Variants in TBL1XR1 observed in about 807,000 individuals in gnomAD.
TBL1XR1 encodes the protein TBL1X/Y related 1.
A neutral mutation model predicts 66.9 loss-of-function variants in TBL1XR1; 5 were observed. The ratio of observed to expected loss-of-function variants is 0.07; its 90% CI spans 0.04 to 0.16. TBL1XR1 has a LOEUF of 0.16. TBL1XR1 is among the 10% of genes least tolerant of loss of function. The pLI is 1.00. For missense variants in TBL1XR1, 238 were observed against 623.2 expected (o/e 0.38, Z 6.58); for synonymous variants, 210 against 206.0 (o/e 1.02, Z -0.17).
At chr3:177,131,133 A>G (rs748436908) in intron 1 of TBL1XR1, among the ~76,000 whole-genome samples, 2 of 152,080 alleles carry the variant, frequency 1.3e-5, no homozygotes, top group Non-Finnish European at 2.9e-5. Context: ...ATGGCAACAG[A>G]AACTAGGTTT....
chr3:177,138,053 T>C (rs796778791), intron 1 of TBL1XR1, among the ~76,000 whole-genome samples: 13 of 152,200 alleles, frequency 8.5e-5, no homozygotes, highest in African/African-American at 2.9e-4. Flanking sequence ...TTTGATCAGG[T>C]TGAAAGTAAA....
intron 1 of TBL1XR1, among the ~76,000 whole-genome samples, chr3:177,116,643 T>TAATA (rs1192475341): frequency 6.6e-6 from 1 of 152,188 alleles, no homozygotes; most frequent in Non-Finnish European, 1.5e-5. Context: ...AGAACTACAA[T>TAATA]AATACTGTTA....
In TBL1XR1 at chr3:177,069,582, C is replaced by T. The variant is rs200574686; in HGVS notation, c.-45-4560G>A. Among the ~76,000 whole-genome samples the T allele has an allele frequency of 6.6e-5, 10 of 151,660 alleles. No individual in the cohort carries two copies. In the East Asian group the frequency reaches 1.4e-3, roughly 21 times the overall value. ...AACCCCATCTCTACAAAAAAAAATA[C>T]AAAAAAATTACCCAGGCATGGTGGC... On this transcript the variant is annotated intron_variant, in intron 2 of 15. Coordinates refer to ENST00000457928, the MANE Select transcript of TBL1XR1 (RefSeq NM_024665.7).
Position 177,080,838 on chromosome 3 carries a change from T to A in TBL1XR1, c.-45-15816A>T, listed in dbSNP as rs79998853. ...GTCTGACAAACTTAACAACTAGCTT[T>A]AAGTTCAAAGATCAGCTGATGTTCT... On this transcript the variant is annotated intron_variant, in intron 2 of 15. Transcript: ENST00000457928. Among the ~76,000 whole-genome samples, 894 of 152,338 alleles carry A rather than the reference T, an allele frequency of 5.9e-3. 11 individuals are homozygous for A. The highest frequency in any genetic ancestry group is 0.021 in the African/African-American group (855 of 41,570).
chr3:177,131,115 C>A (rs530429583), intron 1 of TBL1XR1, among the ~76,000 whole-genome samples: 3 of 152,094 alleles, frequency 2.0e-5, no homozygotes, highest in African/African-American at 7.2e-5. Context: ...GAATCCATGT[C>A]AAGCACAATG....
chr3:177,050,706 C>G, intron 5 of TBL1XR1, 96 bp from the exon 6 acceptor site: 1 of 1,361,952 alleles, frequency 7.3e-7, no homozygotes, highest in East Asian at 2.3e-5. Flanking sequence ...TCCTTTATCG[C>G]ACACAGTGTA....
chr3:177,164,459 C>T (rs977462080), intron 1 of TBL1XR1, among the ~76,000 whole-genome samples: 5 of 151,696 alleles, frequency 3.3e-5, no homozygotes, highest in Admixed American at 1.3e-4. Context: ...AAGCGATTCT[C>T]CTGCCTTAGC....
intron 15 of TBL1XR1, 54 bp downstream of exon 15, chr3:177,026,319 T>C (rs1713118185): frequency 7.3e-7 from 1 of 1,364,960 alleles, no homozygotes; most frequent in South Asian, 1.2e-5. Flanking sequence ...ATAAGCTGCA[T>C]TCTGATGTGA....
chr3:177,186,644 ATGT>A (rs1030653266), intron 1 of TBL1XR1, among the ~76,000 whole-genome samples: 2 of 152,146 alleles, frequency 1.3e-5, no homozygotes, highest in African/African-American at 2.4e-5. Context: ...CCACTAAAAT[ATGT>A]TATTACTATA....
intron 1 of TBL1XR1, among the ~76,000 whole-genome samples, chr3:177,170,106 A>G (rs547617819): frequency 6.6e-6 from 1 of 152,206 alleles, no homozygotes; most frequent in Admixed American, 6.5e-5. Context: ...TCTCACCTCT[A>G]TCATGACAAT....
intron 1 of TBL1XR1, among the ~76,000 whole-genome samples, chr3:177,112,256 T>A (rs1725745536): frequency 6.6e-6 from 1 of 150,834 alleles, no homozygotes; most frequent in African/African-American, 2.4e-5. Flanking sequence ...TACAGGCGTC[T>A]GCCACTACGC....
At chr3:177,043,969 T>C (rs1479762549) in intron 10 of TBL1XR1, among the ~76,000 whole-genome samples, 1 of 152,170 alleles carries the variant, frequency 6.6e-6, no homozygotes, top group African/African-American at 2.4e-5. Flanking sequence ...CCCTACCTTT[T>C]TACCTAAGAT....
At chr3:177,153,194 C>G (rs190071616) in intron 1 of TBL1XR1, among the ~76,000 whole-genome samples, 2 of 152,172 alleles carry the variant, frequency 1.3e-5, no homozygotes, top group African/African-American at 4.8e-5. Flanking sequence ...TAATTCTATA[C>G]TCAGTGAATA....
At chr3:177,158,580 T>C (rs372082862) in intron 1 of TBL1XR1, among the ~76,000 whole-genome samples, 1 of 152,152 alleles carries the variant, frequency 6.6e-6, no homozygotes, top group Non-Finnish European at 1.5e-5. Flanking sequence ...TTCATCCCTA[T>C]GGTATACTCC....
At chr3:177,055,623 T>C (rs1432847934) in intron 3 of TBL1XR1, among the ~76,000 whole-genome samples, 4 of 151,944 alleles carry the variant, frequency 2.6e-5, no homozygotes, top group Non-Finnish European at 5.9e-5. Context: ...CACAACTATC[T>C]GAATATGAGT....
intron 1 of TBL1XR1, among the ~76,000 whole-genome samples, chr3:177,137,459 C>T (rs1729133910): frequency 6.6e-6 from 1 of 152,134 alleles, no homozygotes; most frequent in African/African-American, 2.4e-5. Context: ...TACCACCACA[C>T]TCCACTGGGT....
At chr3:177,104,563 G>C (rs891438247) in intron 1 of TBL1XR1, among the ~76,000 whole-genome samples, 2 of 152,118 alleles carry the variant, frequency 1.3e-5, no homozygotes, top group African/African-American at 4.8e-5. Context: ...AAGTGACTCT[G>C]AGATCAGACT....
chr3:177,119,616 T>C (rs528105143), intron 1 of TBL1XR1, among the ~76,000 whole-genome samples: 14 of 152,312 alleles, frequency 9.2e-5, no homozygotes, highest in Middle Eastern at 6.8e-3. Flanking sequence ...ATTCACTACA[T>C]TGTGATACAC....
chr3:177,196,866 T>G (rs1736927533), intron 1 of TBL1XR1, among the ~76,000 whole-genome samples: 2 of 142,060 alleles, frequency 1.4e-5, no homozygotes, highest in Non-Finnish European at 3.1e-5. Flanking sequence ...CGGGAAAGGG[T>G]AGGGGGGTGG....
Sources: gnomAD v4.1 joint callset for allele counts (sites outside exome capture counted in the v4.1 genomes callset) on GRCh38, gnomAD v4.1.1 for gene constraint, MANE v1.5 for transcripts, NCBI Gene and HGNC (gene_info 2026-07-23, HGNC 2026-07-21) for gene names.